Variants in CELSR1 observed in about 807,000 individuals in gnomAD.
CELSR1 encodes the protein cadherin EGF LAG seven-pass G-type receptor 1.
In CELSR1, 110 loss-of-function variants were observed where a neutral mutation model predicts 249.1. That is an observed-to-expected ratio of 0.44 (90% CI 0.38 to 0.52). The LOEUF (loss-of-function observed/expected upper bound fraction) is 0.52. Among genes scored for constraint, CELSR1 ranks in the 20% least tolerant of loss-of-function variants. The probability of loss-of-function intolerance (pLI) is 0.00; values close to 1 mark genes in which losing one functional copy is unlikely to be tolerated. For synonymous variants in CELSR1, 2,113 were observed against 1,900.0 expected, an observed-to-expected ratio of 1.11 and a Z score of -2.92; for missense variants, 4,109 against 4,296.4, an observed-to-expected ratio of 0.96 and a Z score of 1.22.
chr22:46,367,769 A>G lies in CELSR1; in HGVS notation c.8039T>C (p.Leu2680Pro). 1 of 1,609,838 alleles carries G rather than the reference A, an allele frequency of 6.2e-7. No homozygotes were observed. Among genetic ancestry groups the G allele is most frequent in the Non-Finnish European group, 8.5e-7 (1 of 1,178,970 alleles). ...LGLLAVNRDA[L>P]SFHYLFAIFS... ...GATGGCGAAGAGGTAGTGAAAGCTC[A>G]GTGCATCGCGGTTCACAGCCAGCAG... Residue 2680 changes from leucine (L) to proline (P), a missense_variant, in exon 28 of 35, where the codon CTG becomes CCG. Physicochemically the swap from Leu to Pro is moderately conservative, Grantham distance 98. Coordinates refer to ENST00000674500, the MANE Select transcript of CELSR1 (RefSeq NM_001378328.1).
rs1271527637 is a variant in CELSR1 at position 46,441,402 on chromosome 22, G to A, written c.4184-1991C>T. Among the ~76,000 whole-genome samples, 1 of 152,004 alleles carries A rather than the reference G, an allele frequency of 6.6e-6. No individual in the cohort carries two copies. Among genetic ancestry groups the A allele is most frequent in the African/African-American group, 2.4e-5 (1 of 41,388 alleles). On this transcript the variant is annotated intron_variant, in intron 2 of 34. Transcript: ENST00000674500. This position sits in a 1 kb window ranked among gnomAD's most constrained non-coding sequence, Gnocchi z 6.1. ...GGGATTCACACAGCCGCTGCCGTGT[G>A]GGGCAGCCTAATTTGATGCCAACTC...
intron 1 of CELSR1, among the ~76,000 whole-genome samples, chr22:46,493,682 T>A (rs1172537500): frequency 6.6e-6 from 1 of 152,150 alleles, no homozygotes; most frequent in African/African-American, 2.4e-5. Flanking sequence ...AACTAAATTA[T>A]GGGGGCAGGT....
intron 1 of CELSR1, among the ~76,000 whole-genome samples, chr22:46,501,229 CAG>C (rs1468587611): frequency 4.7e-4 from 61 of 130,572 alleles, no homozygotes; most frequent in African/African-American, 1.8e-3. Context: ...TTTTTTGAGA[CAG>C]AGTCTCGCTC....
chr22:46,415,122 T>TG (rs774626477), intron 5 of CELSR1, among the ~76,000 whole-genome samples: 14 of 152,076 alleles, frequency 9.2e-5, no homozygotes, highest in Non-Finnish European at 1.6e-4. Flanking sequence ...GGGAGGAGGA[T>TG]GGGGGGTGAC....
intron 5 of CELSR1, among the ~76,000 whole-genome samples, chr22:46,414,144 C>T (rs1016251626): frequency 2.6e-5 from 4 of 152,138 alleles, no homozygotes; most frequent in African/African-American, 4.8e-5. Context: ...TGTGAGACAC[C>T]CACTGCTAGG....
rs1476045941 is a variant in CELSR1, at chr22:46,536,925, C to G, written c.246G>C (p.Ala82=). Reference sequence around the variant, plus strand: ...GGACTTGCAGCGGCAGCGGGCGCCCCGCGCCCGAGACGCGCCGACGTCCTG... The same window carrying G: ...GGACTTGCAGCGGCAGCGGGCGCCCGGCGCCCGAGACGCGCCGACGTCCTG... ...RLAGRRRVSG[A]GRPLPLQVRL... Residue 82 remains alanine, a synonymous_variant, in exon 1 of 35, where the codon GCG becomes GCC. Transcript: ENST00000674500. 1.0e-5 allele frequency: 12 copies of G among 1,173,048 alleles called. No individual in the cohort carries two copies. Among genetic ancestry groups the G allele is most frequent in the Non-Finnish European group, 1.1e-5 (10 of 950,920 alleles). The allele number at this position is 1,173,048 out of a possible 1,614,324, so 72.7% of individuals were successfully genotyped here.
intron 24 of CELSR1, among the ~76,000 whole-genome samples, chr22:46,375,171 C>G (rs544348597): frequency 4.5e-4 from 68 of 152,276 alleles, no homozygotes; most frequent in Admixed American, 2.6e-3. Context: ...AAGGTTCCAG[C>G]CTGGTCTTTT....
intron 1 of CELSR1, among the ~76,000 whole-genome samples, chr22:46,503,487 G>A (rs936474479): frequency 4.6e-5 from 7 of 152,228 alleles, no homozygotes; most frequent in African/African-American, 1.7e-4. Flanking sequence ...GGAGGCTACT[G>A]AGACACAGGA....
chr22:46,526,104 G>A lies in CELSR1; in HGVS notation c.3544+7523C>T, dbSNP rs2080736180. ...GGTGCTGAGGTGGGCGCCCTGCCCT[G>A]GTGAGTCCATGTCCCGTGGACCTGT... On this transcript the variant is annotated intron_variant, in intron 1 of 34. Transcript: ENST00000674500. This position sits in a 1 kb window ranked among gnomAD's most constrained non-coding sequence, Gnocchi z 4.7. 6.6e-6 allele frequency among the ~76,000 whole-genome samples: 1 copy of A among 152,186 alleles called. No individual in the cohort carries two copies. The highest frequency in any genetic ancestry group is 6.5e-5 in the Admixed American group (1 of 15,268).
rs2079584142 is a variant in CELSR1, at chr22:46,430,593, TCTTCCC to T, written c.4611+2794_4611+2799del. ...GTCCCCTCCCACCCTGAGCCTGTCG[TCTTCCC>T]CAAAACCTTCCCTGGTGGCCCAAGG... On this transcript the variant is annotated intron_variant, in intron 5 of 34. Coordinates refer to ENST00000674500, the MANE Select transcript of CELSR1 (RefSeq NM_001378328.1). This position sits in a 1 kb window ranked among gnomAD's most constrained non-coding sequence, Gnocchi z 4.6. Among the ~76,000 whole-genome samples, 3 of 152,144 alleles carry T rather than the reference TCTTCCC, an allele frequency of 2.0e-5. No individual in the cohort carries two copies. The South Asian group carries it at 6.2e-4, about 32-fold the overall frequency.
chr22:46,363,575 G>C lies in CELSR1; in HGVS notation c.9036-328C>G, dbSNP rs145438782. 1 of 354,886 alleles carries C rather than the reference G, an allele frequency of 2.8e-6. No individual in the cohort carries two copies. Among genetic ancestry groups the C allele is most frequent in the African/African-American group, 2.1e-5 (1 of 48,570 alleles). The allele number at this position is 354,886 out of a possible 1,614,324, so 22.0% of individuals were successfully genotyped here. On this transcript the variant is annotated intron_variant, in intron 34 of 34. Coordinates refer to ENST00000674500, the MANE Select transcript of CELSR1 (RefSeq NM_001378328.1). This position sits in a 1 kb window ranked among gnomAD's most constrained non-coding sequence, Gnocchi z 4.3. The stretch of plus-strand genomic sequence containing the variant: ...CCCTTGTGAGTTTGGAGGGAGGGAG[G>C]GGCGACAGGGAGAGGTCTGGGGCCA...
At chr22:46,460,354 G>A (rs73888509) in intron 2 of CELSR1, among the ~76,000 whole-genome samples, 42 of 152,356 alleles carry the variant, frequency 2.8e-4, no homozygotes, top group African/African-American at 1.0e-3. Flanking sequence ...TGATCCATCT[G>A]AGGAGGTCGG....
chr22:46,364,422 C>T, intron 33 of CELSR1, 90 bp downstream of exon 33: 1 of 1,503,160 alleles, frequency 6.7e-7, no homozygotes, highest in Non-Finnish European at 9.0e-7. Flanking sequence ...ACTTGCCCCA[C>T]CAGCCCCAGC....
chr22:46,375,539 CT>C (rs971800051), intron 24 of CELSR1, among the ~76,000 whole-genome samples: 8,433 of 120,600 alleles, frequency 0.07, 200 homozygotes, highest in African/African-American at 0.14. Context: ...CTGCCAGGCT[CT>C]TTTTTTTTTT....
In CELSR1 at chr22:46,536,752, G is replaced by T; in HGVS notation, c.419C>A (p.Ala140Glu). 8.5e-7 allele frequency: 1 copy of T among 1,175,288 alleles called. No individual in the cohort carries two copies. 72.8% of individuals were successfully genotyped at this position (1,175,288 alleles called of 1,614,324 possible). The stretch of plus-strand genomic sequence containing the variant: ...TGCGAGCGCCGAATGCTGCGCGGCC[G>T]CGCAGCCGCCGGGGACGGGGAAGCA... ...ALCFPVPGGC[A>E]AAQHSALAAP... Residue 140 changes from alanine to glutamate, a missense_variant, in exon 1 of 35, where the codon GCG becomes GAG. Physicochemically the swap from Ala to Glu is moderately radical, Grantham distance 107. Around this residue, in one of 7 missense-constraint regions of CELSR1, gnomAD observed 673 missense variants for 636.8 expected, o/e 1.06. Transcript: ENST00000674500.
chr22:46,443,806 G>A (rs557817541), intron 2 of CELSR1, among the ~76,000 whole-genome samples: 112 of 152,332 alleles, frequency 7.4e-4, no homozygotes, highest in Non-Finnish European at 1.3e-3. Flanking sequence ...TGTAAATCCC[G>A]TGCGTTCACG....
intron 23 of CELSR1, 42 bp downstream of exon 23, chr22:46,378,549 C>T (rs56344079): frequency 8.5e-6 from 13 of 1,523,478 alleles, no homozygotes; most frequent in Non-Finnish European, 1.2e-5. Context: ...GCAGGTTTGG[C>T]GGTAGGCCCA....
intron 2 of CELSR1, among the ~76,000 whole-genome samples, chr22:46,460,764 C>T (rs796155758): frequency 8.3e-4 from 127 of 152,254 alleles, no homozygotes; most frequent in African/African-American, 3.0e-3. Flanking sequence ...AACCACAGTC[C>T]CAACGCCGTG....
chr22:46,476,764 C>A (rs1014037819), intron 1 of CELSR1, among the ~76,000 whole-genome samples: 1 of 151,842 alleles, frequency 6.6e-6, no homozygotes, highest in Non-Finnish European at 1.5e-5. Context: ...GGTTGCCAAG[C>A]GCAAGGGGCA....
Sources: gnomAD v4.1 joint callset for allele counts (sites outside exome capture counted in the v4.1 genomes callset) on GRCh38, gnomAD v4.1.1 for gene constraint, gnomAD v4.1.1 regional missense constraint, Gnocchi (gnomAD v3.1) non-coding constraint, MANE v1.5 for transcripts, NCBI Gene and HGNC (gene_info 2026-07-23, HGNC 2026-07-21) for gene names.